Variants in PDGFC observed in about 807,000 individuals in gnomAD.
PDGFC encodes platelet-derived growth factor C.
A neutral mutation model predicts 35.5 loss-of-function variants in PDGFC; 12 were observed. The observed-to-expected ratio is 0.34, with a 90% CI of 0.22 to 0.55. PDGFC has a LOEUF of 0.55. Among genes scored for constraint, PDGFC ranks in the 20% least tolerant of loss-of-function variants. The pLI, the probability that PDGFC is intolerant of heterozygous loss-of-function variation, is 0.91. For synonymous variants in PDGFC, 159 were observed against 148.8 expected (o/e 1.07, Z -0.50); for missense variants, 322 against 412.4 (o/e 0.78, Z 1.90).
intron 1 of PDGFC, among the ~76,000 whole-genome samples, chr4:156,893,571 G>A (rs965654386): frequency 1.3e-5 from 2 of 151,386 alleles, no homozygotes; most frequent in Middle Eastern, 6.8e-3. Flanking sequence ...TCCTGGCCTC[G>A]AGTGATCCTC....
At chr4:156,882,121 T>G (rs555174423) in intron 1 of PDGFC, among the ~76,000 whole-genome samples, 2 of 152,150 alleles carry the variant, frequency 1.3e-5, no homozygotes, top group African/African-American at 2.4e-5. Context: ...TCTATAGTAG[T>G]AAGTCTCCCA....
rs1730890135 is a variant in PDGFC, at chr4:156,905,359, TAGTGA to T, written c.119-54948_119-54944del. 2.0e-5 allele frequency among the ~76,000 whole-genome samples: 3 copies of T among 152,232 alleles called. No homozygotes were observed. The South Asian group carries it at 6.2e-4, about 32-fold the overall frequency. Reference sequence around the variant, plus strand: ...TACTCAATTCTCAAAAAAAGCCTCATAGTGACCATAATATCACTTTTGTATTATAT... The same window carrying T: ...TACTCAATTCTCAAAAAAAGCCTCATCCATAATATCACTTTTGTATTATAT... On this transcript the variant is annotated intron_variant, in intron 1 of 5. Transcript: ENST00000502773.
At chr4:156,809,367 G>C (rs1306883076) in intron 3 of PDGFC, among the ~76,000 whole-genome samples, 1 of 152,000 alleles carries the variant, frequency 6.6e-6, no homozygotes, top group Non-Finnish European at 1.5e-5. Context: ...CTGGTGACAG[G>C]ACTTTTCTTA....
At position 156,767,769 on chromosome 4, in the gene PDGFC, C is replaced by T. The variant is rs1361136814; in HGVS notation, c.921+4G>A. The T allele has an allele frequency of 6.3e-7, 1 of 1,584,728 alleles. No homozygotes were observed. The highest frequency in any genetic ancestry group is 1.7e-5 in the Admixed American group (1 of 59,882). On this transcript the variant is annotated splice_donor_region_variant and intron_variant, in intron 5 of 5. Transcript: ENST00000502773. ...GGAAACCAAAAAGAAAATTGTATAC[C>T]TACCTCGTGGTATTTTTTAGTAACT... is the stretch of plus-strand genomic sequence containing the variant.
intron 1 of PDGFC, among the ~76,000 whole-genome samples, chr4:156,897,519 G>A (rs1306423868): frequency 1.3e-5 from 2 of 152,028 alleles, no homozygotes; most frequent in African/African-American, 4.8e-5. Flanking sequence ...CTGACTGGGT[G>A]AGCCCACCTT....
chr4:156,792,254 G>A (rs1289647258), intron 3 of PDGFC, among the ~76,000 whole-genome samples: 1 of 152,128 alleles, frequency 6.6e-6, no homozygotes, highest in Non-Finnish European at 1.5e-5. Context: ...GGATAAAAGT[G>A]TAAAAAATAC....
At chr4:156,922,532 A>G (rs953445341) in intron 1 of PDGFC, among the ~76,000 whole-genome samples, 4 of 152,198 alleles carry the variant, frequency 2.6e-5, no homozygotes, top group Admixed American at 2.6e-4. Flanking sequence ...AGTATGACAA[A>G]ATGGCACAGA....
chr4:156,901,171 T>G (rs1415320711), intron 1 of PDGFC, among the ~76,000 whole-genome samples: 1 of 152,116 alleles, frequency 6.6e-6, no homozygotes, highest in East Asian at 1.9e-4. Context: ...CCCATAGAGA[T>G]TCCATTTCAT....
chr4:156,847,039 T>C (rs1255297325), intron 2 of PDGFC, among the ~76,000 whole-genome samples: 1 of 151,554 alleles, frequency 6.6e-6, no homozygotes, highest in Admixed American at 6.6e-5. Context: ...TTTTTACTAA[T>C]ATAAATGACA....
chr4:156,797,252 A>G (rs1579015154), intron 3 of PDGFC, among the ~76,000 whole-genome samples: 1 of 152,106 alleles, frequency 6.6e-6, no homozygotes, highest in East Asian at 1.9e-4. Context: ...AAAAAAAGAA[A>G]AAAAAAAGAA....
chr4:156,763,065 G>C lies in PDGFC; in HGVS notation c.*25C>G. On this transcript the variant is annotated 3_prime_UTR_variant, in exon 6 of 6. Coordinates refer to ENST00000502773, the MANE Select transcript of PDGFC (RefSeq NM_016205.3). ...CAGCCACTGCACTGCACAGCTCTGG[G>C]CAAGAGCTGCTGGTGGTGATGCGGC... The C allele has an allele frequency of 8.4e-7, 1 of 1,187,602 alleles. No homozygotes were observed. 73.6% of individuals were successfully genotyped at this position (1,187,602 alleles called of 1,614,324 possible).
At chr4:156,839,893 G>A (rs1729156592) in intron 2 of PDGFC, among the ~76,000 whole-genome samples, 1 of 152,202 alleles carries the variant, frequency 6.6e-6, no homozygotes, top group Non-Finnish European at 1.5e-5. Flanking sequence ...TTAGGAAAGA[G>A]ACTGGCGGTT....
intron 1 of PDGFC, among the ~76,000 whole-genome samples, chr4:156,895,629 C>G (rs1246452496): frequency 6.8e-6 from 1 of 145,986 alleles, no homozygotes; most frequent in Non-Finnish European, 1.5e-5. Flanking sequence ...AAGACTCTGT[C>G]TCAGAAAAAA....
In PDGFC at chr4:156,862,830, G is replaced by A. The variant is rs755313271; in HGVS notation, c.119-12414C>T. On this transcript the variant is annotated intron_variant, in intron 1 of 5. Transcript: ENST00000502773. ...CTGCCTCAACCTCTGTAGTAGCTGG[G>A]ATTACAGGCACCTGCCACCGCGCCT... Among the ~76,000 whole-genome samples the A allele has an allele frequency of 2.0e-4, 31 of 151,720 alleles. 1 individual carries two copies. The highest frequency in any genetic ancestry group is 4.1e-4 in the Non-Finnish European group (28 of 67,940).
At chr4:156,932,918 AACAC>A (rs927838250) in intron 1 of PDGFC, among the ~76,000 whole-genome samples, 1 of 151,712 alleles carries the variant, frequency 6.6e-6, no homozygotes, top group Non-Finnish European at 1.5e-5. Flanking sequence ...AGAAGTTTCT[AACAC>A]ACACACACAA....
chr4:156,861,634 T>G, intron 1 of PDGFC: 1 of 311,286 alleles, frequency 3.2e-6, no homozygotes, highest in South Asian at 2.7e-5. Flanking sequence ...AAAATGACTA[T>G]CTGAGTCAGT....
intron 2 of PDGFC, among the ~76,000 whole-genome samples, chr4:156,839,146 C>T (rs1332265166): frequency 6.6e-6 from 1 of 152,172 alleles, no homozygotes; most frequent in Non-Finnish European, 1.5e-5. Context: ...AGCAAGGAGC[C>T]AGCAAGTCTA....
At chr4:156,791,044 C>A (rs185280572) in intron 3 of PDGFC, among the ~76,000 whole-genome samples, 1 of 152,096 alleles carries the variant, frequency 6.6e-6, no homozygotes, top group Admixed American at 6.6e-5. Flanking sequence ...CTTAGGGCTG[C>A]GGCTCTCTGG....
intron 1 of PDGFC, among the ~76,000 whole-genome samples, chr4:156,959,547 C>T (rs183097020): frequency 6.6e-6 from 1 of 152,132 alleles, no homozygotes; most frequent in Non-Finnish European, 1.5e-5. Context: ...ATATAATTCA[C>T]CACTACCGGG....
Sources: gnomAD v4.1 joint callset for allele counts (sites outside exome capture counted in the v4.1 genomes callset) on GRCh38, gnomAD v4.1.1 for gene constraint, MANE v1.5 for transcripts, NCBI Gene and HGNC (gene_info 2026-07-23, HGNC 2026-07-21) for gene names.